DNER: variants seen among roughly 807,000 people sequenced by gnomAD.
DNER encodes delta/notch like EGF repeat containing.
Under a neutral mutation model 78.2 loss-of-function variants are expected in DNER, and 33 were observed. The ratio of observed to expected loss-of-function variants is 0.42; its 90% CI spans 0.32 to 0.56. DNER has a LOEUF of 0.56. Among genes scored for constraint, DNER ranks in the 20% least tolerant of loss-of-function variants. The pLI is 0.11. For missense variants in DNER, 918 were observed against 975.3 expected, an observed-to-expected ratio of 0.94 and a Z score of 0.78; for synonymous variants, 417 against 384.8, an observed-to-expected ratio of 1.08 and a Z score of -0.98.
chr2:229,686,875 C>T (rs1699491868), intron 1 of DNER, among the ~76,000 whole-genome samples: 1 of 152,246 alleles, frequency 6.6e-6, no homozygotes, highest in African/African-American at 2.4e-5. Flanking sequence ...CAATTCCCTT[C>T]ACATCATAAC....
At chr2:229,377,802 G>A (rs144231468) in intron 11 of DNER, among the ~76,000 whole-genome samples, 1 of 152,286 alleles carries the variant, frequency 6.6e-6, no homozygotes, top group Non-Finnish European at 1.5e-5. Context: ...AGAACAAAGA[G>A]AGAGGAATGA....
chr2:229,525,976 T>TCTTAC (rs374796302), intron 5 of DNER, among the ~76,000 whole-genome samples: 4 of 152,182 alleles, frequency 2.6e-5, no homozygotes, highest in African/African-American at 9.7e-5. Flanking sequence ...CTTAATTAAA[T>TCTTAC]CTTATTAAAT....
At chr2:229,387,531 GAA>G (rs776445194) in intron 11 of DNER, among the ~76,000 whole-genome samples, 1 of 138,114 alleles carries the variant, frequency 7.2e-6, no homozygotes, top group Non-Finnish European at 1.6e-5. Context: ...AAGAAAGAAA[GAA>G]AGAAAGAAAG....
chr2:229,407,461 G>A, intron 9 of DNER, 116 bp from the exon 10 acceptor site: 1 of 826,590 alleles, frequency 1.2e-6, no homozygotes, highest in Non-Finnish European at 1.9e-6. Context: ...CAGCGTGGGT[G>A]TGTGTGGGTG....
intron 7 of DNER, among the ~76,000 whole-genome samples, chr2:229,466,184 A>G (rs1173898135): frequency 2.6e-5 from 4 of 152,020 alleles, no homozygotes; most frequent in African/African-American, 4.8e-5. Flanking sequence ...CTCTTGGGCC[A>G]TGTGCAATCC....
At chr2:229,418,045 ACT>A in intron 9 of DNER, 61 bp downstream of exon 9, 1 of 1,611,322 alleles carries the variant, frequency 6.2e-7, no homozygotes, top group Non-Finnish European at 8.5e-7. Context: ...ATGCATTTAC[ACT>A]GAGAAATACA....
At chr2:229,617,038 C>G (rs1698178336) in intron 1 of DNER, among the ~76,000 whole-genome samples, 1 of 152,204 alleles carries the variant, frequency 6.6e-6, no homozygotes, top group African/African-American at 2.4e-5. Context: ...GCCGGGATTT[C>G]AACCTTGCAT....
At chr2:229,472,355 A>G (rs1430353763) in intron 7 of DNER, among the ~76,000 whole-genome samples, 1 of 152,220 alleles carries the variant, frequency 6.6e-6, no homozygotes, top group Non-Finnish European at 1.5e-5. Flanking sequence ...GGGGATGGTC[A>G]TGCTGCAGAG....
rs186870870 is a variant in DNER, at chr2:229,508,833, A to T, written c.1147+3950T>A. Among the ~76,000 whole-genome samples, 74 of 152,194 alleles carry T rather than the reference A, an allele frequency of 4.9e-4. No individual in the cohort carries two copies. In the East Asian group the frequency reaches 0.014, roughly 28 times the overall value. The stretch of plus-strand genomic sequence containing the variant: ...GAGGCGGAGCTTGCAGTGAGCTGAG[A>T]TCGCACCACTGCCCTCCAGCCTGGG... On this transcript the variant is annotated intron_variant, in intron 6 of 12. Coordinates refer to ENST00000341772, the MANE Select transcript of DNER (RefSeq NM_139072.4).
Position 229,487,820 on chromosome 2 carries a change from A to G in DNER, c.1148-10567T>C, listed in dbSNP as rs117188361. 2.2e-3 allele frequency among the ~76,000 whole-genome samples: 329 copies of G among 152,352 alleles called. 8 individuals are homozygous for G. The East Asian group carries it at 0.051, about 24-fold the overall frequency. ...GAGGTAAGACACATTCCCATGAAAC[A>G]GCATACTGAGTAAATGAGCAGGAGA... On this transcript the variant is annotated intron_variant, in intron 6 of 12. Transcript: ENST00000341772.
chr2:229,446,631 G>T (rs868842067), intron 8 of DNER, among the ~76,000 whole-genome samples: 11 of 152,204 alleles, frequency 7.2e-5, no homozygotes, highest in African/African-American at 2.7e-4. Context: ...GGAAAGGGCT[G>T]CCCCGTGCAT....
In DNER at chr2:229,407,252, A is replaced by T. The variant is rs1305548047; in HGVS notation, c.1703T>A (p.Ile568Asn). The change falls in exon 10 of 13, where the codon ATC becomes AAC. Residue 568 changes from isoleucine (I) to asparagine (N), a missense_variant. Ile to Asn is a moderately radical substitution (Grantham distance 149, BLOSUM62 -3). Transcript: ENST00000341772. ...CTTGCCTGTAAACCCGGGTGCACAG[A>T]TGCACGTGCCATTCAGGCCGTCGCT... ...CDSDGLNGTC[I>N]CAPGFTGEEC... 6.2e-7 allele frequency: 1 copy of T among 1,613,224 alleles called. No individual in the cohort carries two copies. Among genetic ancestry groups the T allele is most frequent in the Admixed American group, 1.7e-5 (1 of 60,008 alleles).
At chr2:229,574,855 A>T (rs997018653) in intron 4 of DNER, among the ~76,000 whole-genome samples, 3 of 152,266 alleles carry the variant, frequency 2.0e-5, no homozygotes, top group African/African-American at 7.2e-5. Context: ...ATTTGGCTAT[A>T]AAAAAAGGCA....
chr2:229,659,066 C>A (rs1462536277), intron 1 of DNER, among the ~76,000 whole-genome samples: 1 of 152,048 alleles, frequency 6.6e-6, no homozygotes, highest in East Asian at 1.9e-4. Context: ...TTCTGCAGCA[C>A]CCAGAACTGG....
intron 5 of DNER, among the ~76,000 whole-genome samples, chr2:229,538,451 G>A (rs1417463549): frequency 6.6e-5 from 10 of 152,188 alleles, no homozygotes; most frequent in Non-Finnish European, 1.0e-4. Context: ...CAAACCCTCC[G>A]CCTCCTAGGT....
intron 1 of DNER, among the ~76,000 whole-genome samples, chr2:229,644,509 G>A (rs911176163): frequency 2.6e-5 from 4 of 151,958 alleles, no homozygotes; most frequent in African/African-American, 9.7e-5. Context: ...ACCACGCCAA[G>A]CTAATTTTCA....
chr2:229,692,932 T>G (rs1699605085), intron 1 of DNER, among the ~76,000 whole-genome samples: 1 of 152,086 alleles, frequency 6.6e-6, no homozygotes, highest in South Asian at 2.1e-4. Context: ...AAGAAAGCCC[T>G]GCATTTGTAG....
chr2:229,468,357 C>G (rs1190798512), intron 7 of DNER, among the ~76,000 whole-genome samples: 1 of 152,192 alleles, frequency 6.6e-6, no homozygotes, highest in African/African-American at 2.4e-5. Flanking sequence ...CTCCAAGAGT[C>G]TGAACCTCCC....
At chr2:229,575,104 CTT>C (rs1436587360) in intron 4 of DNER, among the ~76,000 whole-genome samples, 2 of 151,958 alleles carry the variant, frequency 1.3e-5, no homozygotes, top group Admixed American at 1.3e-4. Context: ...ATAAAAATAA[CTT>C]ATTATGTAAT....
Sources: allele counts gnomAD v4.1 joint callset (sites outside exome capture counted in the v4.1 genomes callset), GRCh38; gene constraint gnomAD v4.1.1; transcripts MANE v1.5; gene names NCBI Gene and HGNC (gene_info 2026-07-23, HGNC 2026-07-21).